SLC24A2: variants seen among roughly 807,000 people sequenced by gnomAD.
The protein encoded by SLC24A2 is sodium/potassium/calcium exchanger 2.
Under a neutral mutation model 62.0 loss-of-function variants are expected in SLC24A2, and 36 were observed. That is an observed-to-expected ratio of 0.58 (90% CI 0.44 to 0.77). SLC24A2 has a LOEUF of 0.77. SLC24A2 is among the 30% of genes least tolerant of loss of function. The probability of loss-of-function intolerance (pLI) is 0.00; values close to 1 mark genes in which losing one functional copy is unlikely to be tolerated. For missense variants in SLC24A2, 846 were observed against 817.9 expected (o/e 1.03, Z -0.42); for synonymous variants, 358 against 294.0 (o/e 1.22, Z -2.23).
chr9:20,155,548 T>G, the SLC24A2 span, among the ~76,000 whole-genome samples: 21 of 151,966 alleles, frequency 1.4e-4, no homozygotes, highest in African/African-American at 5.1e-4. Context: ...GAATATGTGG[T>G]TTTTGTGAAT....
the SLC24A2 span, among the ~76,000 whole-genome samples, chr9:20,146,342 T>C: frequency 1.3e-5 from 2 of 152,148 alleles, no homozygotes; most frequent in Admixed American, 1.3e-4. Context: ...TCAGGTGTCT[T>C]AGTTCCACTG....
chr9:20,067,580 T>C, the SLC24A2 span, among the ~76,000 whole-genome samples: 1 of 152,256 alleles, frequency 6.6e-6, no homozygotes, highest in African/African-American at 2.4e-5. Context: ...TGTTCCCATG[T>C]TTGTGTCCAG....
At chr9:20,135,140 G>A in the SLC24A2 span, among the ~76,000 whole-genome samples, 1 of 152,126 alleles carries the variant, frequency 6.6e-6, no homozygotes, top group African/African-American at 2.4e-5. Flanking sequence ...TTGCAGCCTG[G>A]TGGAGAAGAC....
chr9:19,610,281 T>A (rs923612505), intron 4 of SLC24A2, among the ~76,000 whole-genome samples: 1 of 151,956 alleles, frequency 6.6e-6, no homozygotes, highest in Admixed American at 6.6e-5. Flanking sequence ...AGAACCTTCA[T>A]TTTTTTTGCA....
At chr9:19,918,140 ATGTGTG>A in the SLC24A2 span, among the ~76,000 whole-genome samples, 116 of 147,828 alleles carry the variant, frequency 7.8e-4, no homozygotes, top group Middle Eastern at 3.5e-3. Flanking sequence ...AACTGACATT[ATGTGTG>A]TGTGTGTGTG....
the SLC24A2 span, chr9:19,958,062 C>T: frequency 6.6e-6 from 1 of 152,362 alleles, no homozygotes; most frequent in African/African-American, 2.4e-5. Flanking sequence ...ACAGTCCCCT[C>T]TTATTCCACC....
At chr9:19,547,582 T>C (rs1186924822) in intron 8 of SLC24A2, among the ~76,000 whole-genome samples, 2 of 147,636 alleles carry the variant, frequency 1.4e-5, no homozygotes, top group African/African-American at 5.4e-5. Context: ...GCCCTTTCTC[T>C]GAGAGTTCCT....
At chr9:20,240,232 T>C in the SLC24A2 span, among the ~76,000 whole-genome samples, 5 of 152,162 alleles carry the variant, frequency 3.3e-5, no homozygotes, top group Non-Finnish European at 2.9e-5. Flanking sequence ...ATGAGATATG[T>C]AAATATTCTC....
At chr9:20,148,202 G>T in the SLC24A2 span, among the ~76,000 whole-genome samples, 5 of 151,576 alleles carry the variant, frequency 3.3e-5, no homozygotes, top group East Asian at 3.9e-4. Context: ...TTTTTAATGA[G>T]ATATGTAAAT....
chr9:20,299,802 T>C, the SLC24A2 span, among the ~76,000 whole-genome samples: 1 of 152,248 alleles, frequency 6.6e-6, no homozygotes, highest in South Asian at 2.1e-4. Flanking sequence ...GTCACAGATA[T>C]CCATAAGTGG....
the SLC24A2 span, among the ~76,000 whole-genome samples, chr9:20,133,323 T>C: frequency 6.6e-6 from 1 of 152,122 alleles, no homozygotes; most frequent in African/African-American, 2.4e-5. Flanking sequence ...ATTTCAAATT[T>C]GGTATAACTG....
the SLC24A2 span, among the ~76,000 whole-genome samples, chr9:20,107,586 C>A: frequency 7.9e-5 from 12 of 152,114 alleles, no homozygotes; most frequent in African/African-American, 2.4e-5. Context: ...GAAAAACAAG[C>A]AATGGGGAAA....
At chr9:19,517,413 C>G (rs1244049574) in intron 10 of SLC24A2, among the ~76,000 whole-genome samples, 1 of 152,192 alleles carries the variant, frequency 6.6e-6, no homozygotes, top group Non-Finnish European at 1.5e-5. Context: ...TCTTTTGAAA[C>G]ATTACATTCT....
chr9:19,559,585 A>G (rs375695987), intron 7 of SLC24A2, among the ~76,000 whole-genome samples: 65 of 152,334 alleles, frequency 4.3e-4, no homozygotes, highest in Admixed American at 1.4e-3. Flanking sequence ...CTTGAAGGTA[A>G]AATTACCAAA....
At chr9:20,015,323 G>T in the SLC24A2 span, among the ~76,000 whole-genome samples, 2 of 152,164 alleles carry the variant, frequency 1.3e-5, no homozygotes, top group African/African-American at 2.4e-5. Context: ...TTCAAAGATG[G>T]GTAGCCTTGT....
chr9:19,959,872 G>A, the SLC24A2 span, among the ~76,000 whole-genome samples: 1 of 152,120 alleles, frequency 6.6e-6, no homozygotes, highest in Non-Finnish European at 1.5e-5. Context: ...CTTTAAAAAT[G>A]GAGAAAGTAA....
chr9:19,884,726 C>T, the SLC24A2 span, among the ~76,000 whole-genome samples: 1 of 152,070 alleles, frequency 6.6e-6, no homozygotes, highest in African/African-American at 2.4e-5. Context: ...ATTGTTTTCA[C>T]TTTCAGTACA....
At chr9:19,658,013 A>G (rs1467602329) in intron 2 of SLC24A2, among the ~76,000 whole-genome samples, 1 of 152,190 alleles carries the variant, frequency 6.6e-6, no homozygotes, top group African/African-American at 2.4e-5. Context: ...GTGTCCTGCT[A>G]GACTGTGAGT....
upstream of SLC24A2, among the ~76,000 whole-genome samples, chr9:19,789,745 C>T (rs1002513178): frequency 6.6e-5 from 10 of 152,162 alleles, no homozygotes; most frequent in African/African-American, 2.4e-4. Context: ...GAATGGAAGA[C>T]GGTGGTAAGA....
Sources: gnomAD v4.1 joint callset for allele counts (sites outside exome capture counted in the v4.1 genomes callset) on GRCh38, gnomAD v4.1.1 for gene constraint, MANE v1.5 for transcripts, NCBI Gene and HGNC (gene_info 2026-07-23, HGNC 2026-07-21) for gene names.